Variants in THEMIS observed in about 807,000 individuals in gnomAD.
THEMIS encodes the protein protein THEMIS.
THEMIS carries 37 observed loss-of-function variants against 52.6 expected under a neutral mutation model. That is an observed-to-expected ratio of 0.70 (90% CI 0.54 to 0.93). The LOEUF (loss-of-function observed/expected upper bound fraction) is 0.93. Among genes scored for constraint, THEMIS ranks in the 40% least tolerant of loss-of-function variants. THEMIS has a pLI of 0.00. For synonymous variants in THEMIS, 292 were observed against 272.7 expected, an observed-to-expected ratio of 1.07 and a Z score of -0.70; for missense variants, 808 against 763.1, an observed-to-expected ratio of 1.06 and a Z score of -0.69.
intron 2 of THEMIS, among the ~76,000 whole-genome samples, chr6:127,854,186 A>G (rs912494885): frequency 6.6e-6 from 1 of 151,728 alleles, no homozygotes; most frequent in African/African-American, 2.4e-5. Context: ...ACTACAGTAG[A>G]TGAGTCAAAT....
intron 4 of THEMIS, among the ~76,000 whole-genome samples, chr6:127,739,863 C>CTA (rs10678542): frequency 0.16 from 23,860 of 152,126 alleles, 2,124 homozygotes; most frequent in African/African-American, 0.24. Flanking sequence ...TAAGGTTCCA[C>CTA]TATGAATAGT....
chr6:127,839,936 T>C (rs568116000), intron 2 of THEMIS, among the ~76,000 whole-genome samples: 78 of 152,090 alleles, frequency 5.1e-4, no homozygotes, highest in Non-Finnish European at 8.5e-4. Flanking sequence ...TCTAAAAAAA[T>C]GGAGACAGGG....
intron 4 of THEMIS, among the ~76,000 whole-genome samples, chr6:127,739,854 A>G (rs1775137150): frequency 6.8e-6 from 1 of 147,522 alleles, no homozygotes; most frequent in Non-Finnish European, 1.5e-5. Context: ...ATTCCTGTCT[A>G]AGGTTCCACT....
chr6:127,895,458 G>A (rs554135333), intron 1 of THEMIS, among the ~76,000 whole-genome samples: 27 of 151,522 alleles, frequency 1.8e-4, no homozygotes, highest in South Asian at 8.3e-4. Flanking sequence ...ATTACTAATC[G>A]TATTTAACTG....
At chr6:127,757,687 G>T (rs1010274343) in intron 4 of THEMIS, among the ~76,000 whole-genome samples, 4 of 152,056 alleles carry the variant, frequency 2.6e-5, no homozygotes, top group Admixed American at 6.5e-5. Flanking sequence ...GTTTCACCTT[G>T]TTAGCCAGGA....
At chr6:127,750,776 A>C (rs547651643) in intron 4 of THEMIS, among the ~76,000 whole-genome samples, 1 of 151,968 alleles carries the variant, frequency 6.6e-6, no homozygotes, top group South Asian at 2.1e-4. Flanking sequence ...TCATAAGACT[A>C]TCAGTGGATT....
intron 1 of THEMIS, among the ~76,000 whole-genome samples, chr6:127,918,033 T>TACAAGGATAAAAATC (rs1257943080): frequency 2.6e-5 from 4 of 152,204 alleles, no homozygotes; most frequent in Non-Finnish European, 5.9e-5. Flanking sequence ...CAAGGATAAG[T>TACAAGGATAAAAATC]ATTGATTTTT....
intron 4 of THEMIS, among the ~76,000 whole-genome samples, chr6:127,760,308 C>A (rs775481663): frequency 6.6e-6 from 1 of 151,998 alleles, no homozygotes; most frequent in African/African-American, 2.4e-5. Flanking sequence ...ATTTTGAAAT[C>A]AGGAAATATG....
the THEMIS span, among the ~76,000 whole-genome samples, chr6:127,697,270 C>T: frequency 6.6e-6 from 1 of 152,156 alleles, no homozygotes; most frequent in Non-Finnish European, 1.5e-5. Context: ...ACAACTATAT[C>T]CATGCCTTCC....
Position 127,813,068 on chromosome 6 carries a change from G to T in THEMIS, c.1573C>A (p.Pro525Thr), listed in dbSNP as rs748224926. ...LVSNFSRDAE[P>T]FLVRTLVEEI... ...TCTACCAGAGTCCTGACTAGAAATG[G>T]TTCTGCATCCCTAGAGAAATTACTA... Residue 525 changes from proline (P) to threonine (T), a missense_variant, in exon 4 of 6, where the codon CCA (proline) becomes ACA (threonine). Coordinates refer to ENST00000368248, the MANE Select transcript of THEMIS (RefSeq NM_001010923.3). 6.2e-7 allele frequency: 1 copy of T among 1,613,954 alleles called. No homozygotes were observed. Among genetic ancestry groups the T allele is most frequent in the African/African-American group, 1.3e-5 (1 of 74,876 alleles).
chr6:127,819,885 C>T (rs182476977), intron 3 of THEMIS, among the ~76,000 whole-genome samples: 3 of 152,154 alleles, frequency 2.0e-5, no homozygotes, highest in East Asian at 1.9e-4. Context: ...CAGAATAAAA[C>T]GTTTTATTTT....
intron 4 of THEMIS, among the ~76,000 whole-genome samples, chr6:127,790,618 C>T (rs1277970978): frequency 6.6e-6 from 1 of 152,178 alleles, no homozygotes; most frequent in Non-Finnish European, 1.5e-5. Context: ...GTCCAGAAAC[C>T]TCTGTGGTCG....
At chr6:127,812,314 T>G (rs1777934753) in intron 4 of THEMIS, among the ~76,000 whole-genome samples, 1 of 152,196 alleles carries the variant, frequency 6.6e-6, no homozygotes, top group Admixed American at 6.5e-5. Context: ...ATTTTGTTTT[T>G]CAATAGAGCT....
At chr6:127,810,082 C>T (rs1161936696) in intron 4 of THEMIS, among the ~76,000 whole-genome samples, 2 of 152,012 alleles carry the variant, frequency 1.3e-5, no homozygotes, top group East Asian at 3.9e-4. Context: ...TCAAAGATTT[C>T]ATTCACTTCA....
chr6:127,751,632 T>C (rs1162506411), intron 4 of THEMIS, among the ~76,000 whole-genome samples: 1 of 151,586 alleles, frequency 6.6e-6, no homozygotes, highest in East Asian at 1.9e-4. Flanking sequence ...TGAGAGATTA[T>C]AACAATTGTA....
chr6:127,791,718 C>T (rs541419563), intron 4 of THEMIS, among the ~76,000 whole-genome samples: 2 of 152,246 alleles, frequency 1.3e-5, no homozygotes, highest in South Asian at 2.1e-4. Flanking sequence ...TGCAAGACTG[C>T]GCTGAGCCAC....
intron 1 of THEMIS, among the ~76,000 whole-genome samples, chr6:127,862,823 TCACTAATCATA>T (rs1242952691): frequency 3.3e-5 from 5 of 152,098 alleles, no homozygotes; most frequent in African/African-American, 1.2e-4. Context: ...GTCCCTCTCA[TCACTAATCATA>T]CAAGGTATAT....
chr6:127,718,588 A>G (rs1168230071), intron 5 of THEMIS, among the ~76,000 whole-genome samples: 2 of 151,960 alleles, frequency 1.3e-5, no homozygotes, highest in Admixed American at 1.3e-4. Context: ...AGAATCCACA[A>G]TCTTAAAGAA....
intron 1 of THEMIS, among the ~76,000 whole-genome samples, chr6:127,913,242 A>G (rs991148072): frequency 6.6e-6 from 1 of 152,156 alleles, no homozygotes; most frequent in African/African-American, 2.4e-5. Context: ...CTCATCACTT[A>G]AGTTCTAGTT....
Sources: gnomAD v4.1 joint callset for allele counts (sites outside exome capture counted in the v4.1 genomes callset) on GRCh38, gnomAD v4.1.1 for gene constraint, MANE v1.5 for transcripts, NCBI Gene and HGNC (gene_info 2026-07-23, HGNC 2026-07-21) for gene names.